EHMT1: variants seen among roughly 807,000 people sequenced by gnomAD.
EHMT1 encodes the protein histone-lysine N-methyltransferase EHMT1.
Under a neutral mutation model 147.2 loss-of-function variants are expected in EHMT1, and 15 were observed. The observed-to-expected ratio is 0.10, with a 90% CI of 0.07 to 0.16. The LOEUF (loss-of-function observed/expected upper bound fraction) is 0.16, where lower values mean the gene tolerates loss of function less well. Ranked by LOEUF, EHMT1 falls within the 10% of genes least tolerant of loss-of-function variation. EHMT1 has a pLI of 1.00. For synonymous variants in EHMT1, 795 were observed against 709.6 expected, an observed-to-expected ratio of 1.12 and a Z score of -1.91; for missense variants, 1,587 against 1,772.4, an observed-to-expected ratio of 0.90 and a Z score of 1.88.
chr9:137,701,759 C>G (rs1943852881), intron 1 of EHMT1, among the ~76,000 whole-genome samples: 1 of 148,222 alleles, frequency 6.7e-6, no homozygotes, highest in Non-Finnish European at 1.5e-5. Context: ...TCCTGAATAG[C>G]TGGGATTACA....
intron 3 of EHMT1, 115 bp from the exon 4 acceptor site, chr9:137,728,234 C>G: frequency 7.0e-7 from 1 of 1,434,874 alleles, no homozygotes; most frequent in Non-Finnish European, 9.7e-7. Context: ...TCCATTGTAT[C>G]TCATCTTTCG....
At chr9:137,643,713 C>G (rs993611603) in intron 1 of EHMT1, among the ~76,000 whole-genome samples, 2 of 152,132 alleles carry the variant, frequency 1.3e-5, no homozygotes, top group Non-Finnish European at 2.9e-5. Flanking sequence ...TGATGAGGAA[C>G]CATTGCTCAT....
At chr9:137,702,654 T>C (rs1206503257) in intron 1 of EHMT1, among the ~76,000 whole-genome samples, 1 of 152,150 alleles carries the variant, frequency 6.6e-6, no homozygotes, top group Non-Finnish European at 1.5e-5. Context: ...CGTAGATGGA[T>C]CTACCATTCT....
intron 4 of EHMT1, among the ~76,000 whole-genome samples, chr9:137,729,166 G>C (rs1311134403): frequency 1.3e-5 from 2 of 152,098 alleles, no homozygotes; most frequent in East Asian, 3.9e-4. Flanking sequence ...GAGATGCAAG[G>C]CCCTTCCTGC....
intron 4 of EHMT1, among the ~76,000 whole-genome samples, chr9:137,742,222 C>T (rs973599839): frequency 6.6e-6 from 1 of 152,040 alleles, no homozygotes; most frequent in African/African-American, 2.4e-5. Flanking sequence ...AGGACCTACC[C>T]GCTTTGGATG....
chr9:137,704,239 A>G (rs774964860), intron 1 of EHMT1, among the ~76,000 whole-genome samples: 4 of 152,148 alleles, frequency 2.6e-5, no homozygotes, highest in Non-Finnish European at 4.4e-5. Flanking sequence ...CCATATCACT[A>G]TGTGTCTGTA....
At chr9:137,798,665 C>A (rs561905221) in intron 16 of EHMT1, 148 bp from the exon 17 acceptor site, 3 of 727,932 alleles carry the variant, frequency 4.1e-6, no homozygotes, top group Admixed American at 3.9e-5. Context: ...GCTGTTCCCT[C>A]GGCCTCAGCC....
intron 9 of EHMT1, 96 bp downstream of exon 9, chr9:137,758,107 C>A: frequency 6.5e-7 from 1 of 1,537,492 alleles, no homozygotes. Context: ...TTGGTGGACA[C>A]TAGTAGAAGA....
intron 24 of EHMT1, 60 bp from the exon 25 acceptor site, chr9:137,818,000 C>G: frequency 1.3e-6 from 2 of 1,539,570 alleles, no homozygotes; most frequent in South Asian, 1.1e-5. Context: ...CTGGGCTGTG[C>G]TTGTCTGTGG....
At chr9:137,625,075 T>A (rs1843170002) in intron 1 of EHMT1, among the ~76,000 whole-genome samples, 1 of 151,726 alleles carries the variant, frequency 6.6e-6, no homozygotes, top group Non-Finnish European at 1.5e-5. Context: ...AGAGATGGGG[T>A]TTCGCCATAT....
chr9:137,749,666 C>T (rs976234845), intron 6 of EHMT1, among the ~76,000 whole-genome samples: 1 of 152,180 alleles, frequency 6.6e-6, no homozygotes, highest in Non-Finnish European at 1.5e-5. Flanking sequence ...TCAGCTTCCA[C>T]TTGATTCCTT....
At chr9:137,692,267 CTTT>C (rs11398600) in intron 1 of EHMT1, among the ~76,000 whole-genome samples, 4 of 118,362 alleles carry the variant, frequency 3.4e-5, no homozygotes, top group Non-Finnish European at 3.6e-5. Flanking sequence ...TTCTTTCTTT[CTTT>C]TTTTTTTTTT....
chr9:137,784,157 G>A (rs1410491923), intron 15 of EHMT1: 1 of 1,551,084 alleles, frequency 6.4e-7, no homozygotes, highest in South Asian at 1.2e-5. Context: ...GTGACTTATG[G>A]TGAGGACCTC....
At chr9:137,777,768 A>G in intron 12 of EHMT1, 114 bp from the exon 13 acceptor site, 1 of 1,455,964 alleles carries the variant, frequency 6.9e-7, no homozygotes, top group Non-Finnish European at 9.5e-7. Context: ...GACTAAGCGG[A>G]CAGTAAGCAA....
intron 15 of EHMT1, chr9:137,784,240 G>C (rs1317589418): frequency 2.6e-6 from 4 of 1,536,026 alleles, no homozygotes; most frequent in Non-Finnish European, 3.5e-6. Flanking sequence ...TGTGGACCAG[G>C]CCGCCCACAG....
intron 4 of EHMT1, among the ~76,000 whole-genome samples, chr9:137,728,964 A>G (rs772818667): frequency 9.9e-5 from 15 of 151,220 alleles, no homozygotes; most frequent in Admixed American, 4.0e-4. Context: ...CGTGCTCCTC[A>G]CTCTCCTGGG....
At chr9:137,774,042 C>T (rs1415123555) in intron 10 of EHMT1, among the ~76,000 whole-genome samples, 1 of 152,134 alleles carries the variant, frequency 6.6e-6, no homozygotes, top group African/African-American at 2.4e-5. Context: ...GACCATGTTC[C>T]CCAGTCAGGC....
At chr9:137,801,545 C>CTG (rs1387328041) in intron 18 of EHMT1, among the ~76,000 whole-genome samples, 1 of 152,140 alleles carries the variant, frequency 6.6e-6, no homozygotes, top group Non-Finnish European at 1.5e-5. Context: ...GTCACCCAGG[C>CTG]TGGAGTGCAG....
At chr9:137,810,901 ATGT>A (rs1954424873) in intron 18 of EHMT1, among the ~76,000 whole-genome samples, 1 of 152,086 alleles carries the variant, frequency 6.6e-6, no homozygotes, top group South Asian at 2.1e-4. Context: ...GGGTTTCACC[ATGT>A]TGGCCAGGCT....
Sources: allele counts gnomAD v4.1 joint callset (sites outside exome capture counted in the v4.1 genomes callset), GRCh38; gene constraint gnomAD v4.1.1; transcripts MANE v1.5; gene names NCBI Gene and HGNC (gene_info 2026-07-23, HGNC 2026-07-21).